Variants in CTDSPL observed in about 807,000 individuals in gnomAD.
The protein encoded by CTDSPL is CTD small phosphatase-like protein.
Under a neutral mutation model 30.5 loss-of-function variants are expected in CTDSPL, and 8 were observed. The observed-to-expected ratio is 0.26, with a 90% CI of 0.15 to 0.47. CTDSPL has a LOEUF of 0.47. CTDSPL is among the 20% of genes least tolerant of loss of function. The probability of loss-of-function intolerance (pLI) is 0.99; values close to 1 mark genes in which losing one functional copy is unlikely to be tolerated. For synonymous variants in CTDSPL, 110 were observed against 137.9 expected (o/e 0.80, Z 1.42); for missense variants, 248 against 366.1 (o/e 0.68, Z 2.63).
chr3:37,931,624 T>G (rs2125615437), intron 1 of CTDSPL, among the ~76,000 whole-genome samples: 1 of 152,318 alleles, frequency 6.6e-6, no homozygotes, highest in Non-Finnish European at 1.5e-5. Flanking sequence ...TCATTAATTT[T>G]TTGTAGTGAC....
intron 6 of CTDSPL, among the ~76,000 whole-genome samples, chr3:37,974,463 G>A (rs374857123): frequency 7.9e-5 from 12 of 152,318 alleles, no homozygotes; most frequent in African/African-American, 2.4e-4. Context: ...ACTGGGTCCC[G>A]CTGATGCCTG....
chr3:37,902,821 T>C (rs529725437), intron 1 of CTDSPL, among the ~76,000 whole-genome samples: 15 of 152,200 alleles, frequency 9.9e-5, no homozygotes, highest in Non-Finnish European at 1.9e-4. Context: ...ACATTGTGGC[T>C]GCTTTCCTCA....
intron 4 of CTDSPL, 42 bp downstream of exon 4, chr3:37,964,714 G>T: frequency 1.4e-6 from 2 of 1,443,332 alleles, no homozygotes; most frequent in South Asian, 1.2e-5. Flanking sequence ...TTTGTGATTT[G>T]ATAACAATTG....
intron 1 of CTDSPL, among the ~76,000 whole-genome samples, chr3:37,926,926 C>A (rs1698788000): frequency 6.6e-6 from 1 of 152,126 alleles, no homozygotes; most frequent in Non-Finnish European, 1.5e-5. Flanking sequence ...GCTTTGCAGT[C>A]CAACAAACCT....
intron 7 of CTDSPL, among the ~76,000 whole-genome samples, chr3:37,978,116 A>G (rs935238269): frequency 5.3e-5 from 8 of 152,152 alleles, no homozygotes; most frequent in Non-Finnish European, 1.2e-4. Context: ...TACACCCACT[A>G]TTTCATGAGG....
At chr3:37,980,465 G>T (rs761620695) in intron 7 of CTDSPL, among the ~76,000 whole-genome samples, 1 of 152,186 alleles carries the variant, frequency 6.6e-6, no homozygotes, top group Non-Finnish European at 1.5e-5. Context: ...TACATTCTAT[G>T]CTCTGGCCAC....
rs1321689636 is a variant in CTDSPL at position 37,982,681 on chromosome 3, T to C, written c.*1814T>C. On this transcript the variant is annotated 3_prime_UTR_variant, in exon 8 of 8. Coordinates refer to ENST00000273179, the MANE Select transcript of CTDSPL (RefSeq NM_001008392.2). Reference sequence around the variant, plus strand: ...GGGGTAAACAGGTCTCCCAGCATTCTGAGTGTTCCAAACCAGTAATCCACA... The same window carrying C: ...GGGGTAAACAGGTCTCCCAGCATTCCGAGTGTTCCAAACCAGTAATCCACA... The C allele has an allele frequency of 2.2e-6, 1 of 456,464 alleles. No individual in the cohort carries two copies. Among genetic ancestry groups the C allele is most frequent in the African/African-American group, 2.0e-5 (1 of 50,084 alleles). The allele number at this position is 456,464 out of a possible 1,614,324, so 28.3% of individuals were successfully genotyped here.
chr3:37,905,227 A>G (rs1674930971), intron 1 of CTDSPL, among the ~76,000 whole-genome samples: 1 of 152,254 alleles, frequency 6.6e-6, no homozygotes, highest in Admixed American at 6.5e-5. Flanking sequence ...AGTTTCCCTG[A>G]TACAAGCCTG....
chr3:37,907,096 A>G (rs1007361707), intron 1 of CTDSPL, among the ~76,000 whole-genome samples: 2 of 152,180 alleles, frequency 1.3e-5, no homozygotes, highest in African/African-American at 2.4e-5. Flanking sequence ...CTTTCCTGGT[A>G]TGTGCACTTG....
At chr3:37,924,036 C>T (rs545149207) in intron 1 of CTDSPL, among the ~76,000 whole-genome samples, 9 of 152,084 alleles carry the variant, frequency 5.9e-5, no homozygotes, top group Admixed American at 2.0e-4. Flanking sequence ...TAAAACAAAA[C>T]GAAACAGAGA....
intron 1 of CTDSPL, among the ~76,000 whole-genome samples, chr3:37,912,634 A>G (rs1182003481): frequency 6.6e-6 from 1 of 152,238 alleles, no homozygotes; most frequent in Non-Finnish European, 1.5e-5. Flanking sequence ...ACTGGAATCC[A>G]GTTATTTTGA....
chr3:37,900,689 C>G (rs1482083692), intron 1 of CTDSPL, among the ~76,000 whole-genome samples: 3 of 152,100 alleles, frequency 2.0e-5, no homozygotes, highest in Non-Finnish European at 4.4e-5. Context: ...ATGAGGAGAC[C>G]ATGGAACCTA....
At chr3:37,898,469 A>G (rs1450195452) in intron 1 of CTDSPL, among the ~76,000 whole-genome samples, 1 of 152,206 alleles carries the variant, frequency 6.6e-6, no homozygotes, top group African/African-American at 2.4e-5. Context: ...GAGAGTTCAA[A>G]TATTAGCAAT....
At chr3:37,908,971 T>C (rs1368101501) in intron 1 of CTDSPL, among the ~76,000 whole-genome samples, 1 of 152,256 alleles carries the variant, frequency 6.6e-6, no homozygotes, top group Non-Finnish European at 1.5e-5. Flanking sequence ...TCAATATCGA[T>C]ATTTAGTCTT....
intron 1 of CTDSPL, among the ~76,000 whole-genome samples, chr3:37,923,013 C>T (rs943334648): frequency 2.0e-5 from 3 of 152,184 alleles, no homozygotes; most frequent in African/African-American, 4.8e-5. Context: ...TGTAACATGA[C>T]AAGAACCCAG....
intron 7 of CTDSPL, among the ~76,000 whole-genome samples, chr3:37,977,137 C>G (rs1176384724): frequency 6.6e-6 from 1 of 152,162 alleles, no homozygotes; most frequent in Admixed American, 6.5e-5. Context: ...CTGAGTAAAT[C>G]AAATTCAACA....
At chr3:37,968,538 T>C in intron 5 of CTDSPL, 1 of 227,396 alleles carries the variant, frequency 4.4e-6, no homozygotes, top group Non-Finnish European at 8.9e-6. Context: ...AAACTAGCTT[T>C]AGAGGTTGAA....
intron 1 of CTDSPL, among the ~76,000 whole-genome samples, chr3:37,878,410 G>T (rs1224762610): frequency 6.6e-6 from 1 of 152,160 alleles, no homozygotes; most frequent in African/African-American, 2.4e-5. Context: ...ATGTCCAGTT[G>T]TTTCTGCATC....
rs890408722 is a variant in CTDSPL at position 37,944,247 on chromosome 3, C to G, written c.80-2810C>G. ...GGTCTGACAATTAATTACTGTTAACCTTTTGACATATTTCTTGCAAATCTT... is the reference window on the plus strand; with the variant it reads ...GGTCTGACAATTAATTACTGTTAACGTTTTGACATATTTCTTGCAAATCTT... On this transcript the variant is annotated intron_variant, in intron 1 of 7. Coordinates refer to ENST00000273179, the MANE Select transcript of CTDSPL (RefSeq NM_001008392.2). Among the ~76,000 whole-genome samples the G allele has an allele frequency of 5.4e-4, 81 of 150,354 alleles. 4 individuals are homozygous for G. The highest frequency in any genetic ancestry group is 4.5e-5 in the Non-Finnish European group (3 of 67,106).
Sources: gnomAD v4.1 joint callset for allele counts (sites outside exome capture counted in the v4.1 genomes callset) on GRCh38, gnomAD v4.1.1 for gene constraint, MANE v1.5 for transcripts, NCBI Gene and HGNC (gene_info 2026-07-23, HGNC 2026-07-21) for gene names.